The following MAP2 variants were observed in gnomAD, a reference collection of about 807,000 sequenced individuals.
MAP2 encodes microtubule associated protein 2.
A neutral mutation model predicts 137.6 loss-of-function variants in MAP2; 14 were observed. The ratio of observed to expected loss-of-function variants is 0.10; its 90% CI spans 0.07 to 0.16. MAP2 has a LOEUF of 0.16. Among genes scored for constraint, MAP2 ranks in the 10% least tolerant of loss-of-function variants. The pLI is 1.00. For missense variants in MAP2, 2,088 were observed against 2,191.5 expected, an observed-to-expected ratio of 0.95 and a Z score of 0.94; for synonymous variants, 786 against 782.3, an observed-to-expected ratio of 1.00 and a Z score of -0.08.
intron 13 of MAP2, among the ~76,000 whole-genome samples, chr2:209,723,871 T>C (rs1234784325): frequency 6.6e-6 from 1 of 152,196 alleles, no homozygotes; most frequent in Non-Finnish European, 1.5e-5. Flanking sequence ...CATCCTTCCC[T>C]GTAAGATCAT....
At chr2:209,551,375 G>A (rs2069133911) in intron 2 of MAP2, among the ~76,000 whole-genome samples, 1 of 151,914 alleles carries the variant, frequency 6.6e-6, no homozygotes, top group Non-Finnish European at 1.5e-5. Context: ...CCTTTTAAGG[G>A]TAGCATACAT....
At chr2:209,662,399 G>T (rs894746255) in intron 5 of MAP2, among the ~76,000 whole-genome samples, 1 of 152,064 alleles carries the variant, frequency 6.6e-6, no homozygotes, top group African/African-American at 2.4e-5. Flanking sequence ...AAATTATTTT[G>T]TTGAATTTGA....
chr2:209,571,992 G>T (rs921124964), intron 2 of MAP2, among the ~76,000 whole-genome samples: 2 of 151,700 alleles, frequency 1.3e-5, no homozygotes, highest in African/African-American at 4.8e-5. Flanking sequence ...AAATTTGTCA[G>T]TGAAATATGA....
In MAP2 at chr2:209,590,492, C is replaced by T. The variant is rs571799742; in HGVS notation, c.-107+10392C>T. On this transcript the variant is annotated intron_variant, in intron 3 of 15. Transcript: ENST00000682079. ...CTGGGATTACAGGCAAGCGCCACCACGCCTGGCTAATTTTGTATTTTTAGT... is the reference window on the plus strand; with the variant it reads ...CTGGGATTACAGGCAAGCGCCACCATGCCTGGCTAATTTTGTATTTTTAGT... Among the ~76,000 whole-genome samples the T allele has an allele frequency of 2.6e-5, 4 of 152,178 alleles. No homozygotes were observed. The South Asian group carries it at 6.2e-4, about 24-fold the overall frequency.
chr2:209,573,168 G>A (rs1383745281), intron 2 of MAP2, among the ~76,000 whole-genome samples: 1 of 152,088 alleles, frequency 6.6e-6, no homozygotes, highest in Admixed American at 6.6e-5. Context: ...AGGTGCCATG[G>A]ATTGAATTAT....
rs942503806 is a variant in MAP2, at chr2:209,464,515, C to T, written c.-222+40239C>T. Reference sequence around the variant, plus strand: ...TGTTTGGTGTGGGAGAGTTTGAGGACGCTTGAAGGTGACATTGTTTCTGTT... The same window carrying T: ...TGTTTGGTGTGGGAGAGTTTGAGGATGCTTGAAGGTGACATTGTTTCTGTT... On this transcript the variant is annotated intron_variant, in intron 1 of 15. Coordinates refer to ENST00000682079, the MANE Select transcript of MAP2 (RefSeq NM_001375505.1). 5.3e-5 allele frequency among the ~76,000 whole-genome samples: 8 copies of T among 151,942 alleles called. No individual in the cohort carries two copies. In the East Asian group the frequency reaches 5.8e-4, roughly 11 times the overall value.
At chr2:209,521,895 A>C (rs1054527571) in intron 2 of MAP2, among the ~76,000 whole-genome samples, 1 of 152,090 alleles carries the variant, frequency 6.6e-6, no homozygotes, top group Non-Finnish European at 1.5e-5. Context: ...AGTGTAGTTC[A>C]GTTCAGTTTT....
intron 1 of MAP2, among the ~76,000 whole-genome samples, chr2:209,453,360 C>A (rs568282881): frequency 6.6e-6 from 1 of 152,070 alleles, no homozygotes. Context: ...CAAATTCATT[C>A]CTGCATAAGT....
chr2:209,596,554 C>T (rs1189082774), intron 3 of MAP2, among the ~76,000 whole-genome samples: 1 of 152,110 alleles, frequency 6.6e-6, no homozygotes, highest in Non-Finnish European at 1.5e-5. Context: ...GAATAAAATG[C>T]ATTTGTTTGG....
chr2:209,465,629 C>CT (rs1440100432), intron 1 of MAP2, among the ~76,000 whole-genome samples: 1 of 152,076 alleles, frequency 6.6e-6, no homozygotes, highest in Non-Finnish European at 1.5e-5. Flanking sequence ...GACAATAATA[C>CT]TTTCTCCATT....
At chr2:209,677,471 T>G (rs1332345823) in intron 5 of MAP2, among the ~76,000 whole-genome samples, 1 of 151,978 alleles carries the variant, frequency 6.6e-6, no homozygotes, top group Non-Finnish European at 1.5e-5. Context: ...GGCTCATCAC[T>G]TGTTGCATAG....
intron 3 of MAP2, among the ~76,000 whole-genome samples, chr2:209,592,529 A>C (rs1010965905): frequency 6.6e-6 from 1 of 152,168 alleles, no homozygotes; most frequent in Non-Finnish European, 1.5e-5. Context: ...ATATATTCAC[A>C]TGGTACTTAT....
intron 2 of MAP2, among the ~76,000 whole-genome samples, chr2:209,556,024 CT>C (rs34673279): frequency 6.0e-5 from 8 of 134,198 alleles, no homozygotes; most frequent in South Asian, 4.6e-4. Flanking sequence ...GGCATTCTTT[CT>C]TTTTTTTTTT....
intron 3 of MAP2, among the ~76,000 whole-genome samples, chr2:209,583,026 C>G (rs1009920490): frequency 6.6e-6 from 1 of 151,932 alleles, no homozygotes; most frequent in African/African-American, 2.4e-5. Context: ...TTTTTGGTAC[C>G]TAGTCATTGT....
At chr2:209,718,804 A>T (rs925575703) in intron 13 of MAP2, among the ~76,000 whole-genome samples, 1 of 152,336 alleles carries the variant, frequency 6.6e-6, no homozygotes, top group Admixed American at 6.5e-5. Flanking sequence ...CTATTGTTCA[A>T]TGTAGGCAGG....
intron 5 of MAP2, among the ~76,000 whole-genome samples, chr2:209,677,195 T>C (rs1191691123): frequency 6.6e-6 from 1 of 151,884 alleles, no homozygotes; most frequent in African/African-American, 2.4e-5. Flanking sequence ...TGACTGTTAA[T>C]GTTATTTATT....
At chr2:209,538,860 T>G (rs1254963128) in intron 2 of MAP2, among the ~76,000 whole-genome samples, 1 of 152,122 alleles carries the variant, frequency 6.6e-6, no homozygotes, top group Non-Finnish European at 1.5e-5. Context: ...ATATATAGAT[T>G]AGAGTAGCTA....
chr2:209,538,522 G>A (rs115321712), intron 2 of MAP2, among the ~76,000 whole-genome samples: 6,443 of 149,566 alleles, frequency 0.043, 186 homozygotes, highest in African/African-American at 0.08. Flanking sequence ...CAGAGCAAAC[G>A]GACAGAAGAG....
At chr2:209,491,034 G>A (rs921959231) in intron 1 of MAP2, among the ~76,000 whole-genome samples, 24 of 152,154 alleles carry the variant, frequency 1.6e-4, no homozygotes, top group African/African-American at 4.3e-4. Flanking sequence ...TTCTAAAATT[G>A]ACCACATAAT....
Sources: allele counts gnomAD v4.1 joint callset (sites outside exome capture counted in the v4.1 genomes callset), GRCh38; gene constraint gnomAD v4.1.1; transcripts MANE v1.5; gene names NCBI Gene and HGNC (gene_info 2026-07-23, HGNC 2026-07-21).